Variants in UNK observed in about 807,000 individuals in gnomAD.
UNK encodes the protein RING finger protein unkempt homolog.
UNK carries 32 observed loss-of-function variants against 97.6 expected under a neutral mutation model. The ratio of observed to expected loss-of-function variants is 0.33; its 90% CI spans 0.25 to 0.44. The LOEUF is 0.44. Among genes scored for constraint, UNK ranks in the 20% least tolerant of loss-of-function variants. The probability of loss-of-function intolerance (pLI) is 1.00; values close to 1 mark genes in which losing one functional copy is unlikely to be tolerated. For synonymous variants in UNK, 441 were observed against 461.2 expected, an observed-to-expected ratio of 0.96 and a Z score of 0.56; for missense variants, 771 against 1,098.4, an observed-to-expected ratio of 0.70 and a Z score of 4.21.
At chr17:75,805,999 C>T (rs1318628343) in intron 1 of UNK, among the ~76,000 whole-genome samples, 1 of 151,530 alleles carries the variant, frequency 6.6e-6, no homozygotes, top group African/African-American at 2.4e-5. Context: ...GTAATCCTAG[C>T]ACTTTGGGAG....
At chr17:75,793,870 A>G in intron 1 of UNK, 1 of 985,444 alleles carries the variant, frequency 1.0e-6, no homozygotes, top group Non-Finnish European at 1.2e-6. Context: ...TCTGTAAAGA[A>G]GAGGTTGATA....
At chr17:75,810,322 G>A (rs1397857490) in intron 2 of UNK, among the ~76,000 whole-genome samples, 2 of 152,202 alleles carry the variant, frequency 1.3e-5, no homozygotes, top group Non-Finnish European at 2.9e-5. Flanking sequence ...TGGTGCCCAG[G>A]TTTGCTGACC....
Position 75,812,670 on chromosome 17 carries a change from C to T in UNK, c.622+85C>T, listed in dbSNP as rs555358235. On this transcript the variant is annotated intron_variant, in intron 4 of 15. Transcript: ENST00000589666. Reference sequence around the variant, plus strand: ...GGATTTGGCTCACCACCACCTACTGCCTGCTCTAGCCGAGGCCCCGACCTG... The same window carrying T: ...GGATTTGGCTCACCACCACCTACTGTCTGCTCTAGCCGAGGCCCCGACCTG... 2.6e-5 allele frequency: 40 copies of T among 1,524,414 alleles called. No homozygotes were observed. The African/African-American group carries it at 3.0e-4, about 11-fold the overall frequency. 94.4% of individuals were successfully genotyped at this position (1,524,414 alleles called of 1,614,324 possible).
At position 75,823,404 on chromosome 17, in the gene UNK, T is replaced by C; in HGVS notation, c.2159T>C (p.Leu720Pro). The change falls in exon 15 of 16, where the codon CTA (leucine) becomes CCA (proline). Residue 720 changes from leucine to proline, a missense_variant. By Grantham distance (98) the Leu-to-Pro change is moderately conservative (BLOSUM62 -3). Coordinates refer to ENST00000589666, the MANE Select transcript of UNK (RefSeq NM_001080419.3). ...AAGCTCCAGGAGGAGCTGGAGCGGC[T>C]ACACGCGGGGCCTGAGCCCCAGGCC... Reference protein sequence around the residue: ...VKKLQEELERLHAGPEPQALP... With the variant: ...VKKLQEELERPHAGPEPQALP... 1 of 1,606,044 alleles carries C rather than the reference T, an allele frequency of 6.2e-7. No homozygotes were observed. Among genetic ancestry groups the C allele is most frequent in the Non-Finnish European group, 8.5e-7 (1 of 1,176,376 alleles).
At chr17:75,797,628 C>G (rs916633662) in intron 1 of UNK, among the ~76,000 whole-genome samples, 7 of 152,322 alleles carry the variant, frequency 4.6e-5, no homozygotes, top group African/African-American at 1.4e-4. Context: ...GCAGATCTGT[C>G]AGATTGCCCT....
rs912402904 is a variant in UNK at position 75,817,161 on chromosome 17, C to T, written c.1105-165C>T. Reference sequence around the variant, plus strand: ...AGGGACAAAGCCTGAGGTCACTCCCCTTTCCTTCGTGAGCTTCGGGCTCCC... The same window carrying T: ...AGGGACAAAGCCTGAGGTCACTCCCTTTTCCTTCGTGAGCTTCGGGCTCCC... On this transcript the variant is annotated intron_variant, in intron 8 of 15. Transcript: ENST00000589666. This position sits in a 1 kb window ranked among gnomAD's most constrained non-coding sequence, Gnocchi z 5.8. Among the ~76,000 whole-genome samples, 9 of 151,370 alleles carry T rather than the reference C, an allele frequency of 5.9e-5. No individual in the cohort carries two copies. Among genetic ancestry groups the T allele is most frequent in the Non-Finnish European group, 1.3e-4 (9 of 67,728 alleles).
intron 1 of UNK, among the ~76,000 whole-genome samples, chr17:75,788,345 A>G (rs903122030): frequency 2.6e-5 from 4 of 151,952 alleles, no homozygotes; most frequent in Admixed American, 2.0e-4. Flanking sequence ...ATGGCTGGCT[A>G]ATTTTTGTAT....
In UNK at chr17:75,823,422, C is replaced by T. The variant is rs774436562; in HGVS notation, c.2177C>T (p.Pro726Leu). The T allele has an allele frequency of 2.5e-6, 4 of 1,596,916 alleles. No homozygotes were observed. Among genetic ancestry groups the T allele is most frequent in the Non-Finnish European group, 2.6e-6 (3 of 1,170,894 alleles). The change falls in exon 15 of 16, where the codon CCC becomes CTC. Residue 726 changes from proline (P) to leucine (L), a missense_variant. Coordinates refer to ENST00000589666, the MANE Select transcript of UNK (RefSeq NM_001080419.3). ...GAGCGGCTACACGCGGGGCCTGAGC[C>T]CCAGGCCCTGCCCGCCTTCTCCGAC... is the stretch of plus-strand genomic sequence containing the variant. ...ELERLHAGPE[P>L]QALPAFSDLE...
At chr17:75,798,358 C>T (rs866979722) in intron 1 of UNK, among the ~76,000 whole-genome samples, 1 of 152,184 alleles carries the variant, frequency 6.6e-6, no homozygotes, top group East Asian at 1.9e-4. Context: ...CAAGAGCCAC[C>T]ACGCCTGGCC....
chr17:75,823,860 T>A (rs897022947), intron 15 of UNK, among the ~76,000 whole-genome samples: 97 of 152,334 alleles, frequency 6.4e-4, no homozygotes, highest in African/African-American at 1.9e-3. Context: ...ACCCCAGGGC[T>A]ACCCCTGCCT....
intron 1 of UNK, among the ~76,000 whole-genome samples, chr17:75,803,842 G>A (rs1003074032): frequency 2.0e-5 from 3 of 152,156 alleles, no homozygotes; most frequent in African/African-American, 7.2e-5. Flanking sequence ...GAGGAGAATC[G>A]CTCCCAACCA....
intron 3 of UNK, 43 bp from the exon 4 acceptor site, chr17:75,812,412 C>T (rs2061977276): frequency 6.3e-7 from 1 of 1,593,790 alleles, no homozygotes. Flanking sequence ...CTTGCCCCCT[C>T]ATGCCCCCTC....
Position 75,812,475 on chromosome 17 carries a change from C to T in UNK, c.512C>T (p.Ala171Val), listed in dbSNP as rs1249080429. 3.1e-6 allele frequency: 5 copies of T among 1,611,794 alleles called. No individual in the cohort carries two copies. Among genetic ancestry groups the T allele is most frequent in the Admixed American group, 1.7e-5 (1 of 59,898 alleles). ...CCCAGGGAGCTTCAGGCCATGGAGG[C>T]CTTGCAGAATGGCCAGACCACGGTA... Reference protein sequence around the residue: ...YDIRELQAMEALQNGQTTVEG... With the variant: ...YDIRELQAMEVLQNGQTTVEG... The change falls in exon 4 of 16, where the codon GCC (alanine) becomes GTC (valine). Residue 171 changes from alanine to valine, a missense_variant. By Grantham distance (64) the Ala-to-Val change is moderately conservative. Transcript: ENST00000589666.
intron 1 of UNK, among the ~76,000 whole-genome samples, chr17:75,790,513 T>C (rs2061754302): frequency 6.6e-6 from 1 of 151,842 alleles, no homozygotes; most frequent in Non-Finnish European, 1.5e-5. Context: ...GCATCTGTGG[T>C]CCTGGATACT....
At position 75,816,492 on chromosome 17, in the gene UNK, T is replaced by C. The variant is rs778825715; in HGVS notation, c.962-278T>C. On this transcript the variant is annotated intron_variant, in intron 7 of 15. Transcript: ENST00000589666. This position sits in a 1 kb window ranked among gnomAD's most constrained non-coding sequence, Gnocchi z 4.0. ...GTTTTAGCTCTGTCACTTTGGTGGGTTTACCTTACCTCTCTGAGCCTCAGT... is the reference window on the plus strand; with the variant it reads ...GTTTTAGCTCTGTCACTTTGGTGGGCTTACCTTACCTCTCTGAGCCTCAGT... 4.5e-4 allele frequency among the ~76,000 whole-genome samples: 68 copies of C among 152,280 alleles called. No homozygotes were observed. The highest frequency in any genetic ancestry group is 1.4e-3 in the Admixed American group (22 of 15,292).
Position 75,816,641 on chromosome 17 carries a change from A to T in UNK, c.962-129A>T. The T allele has an allele frequency of 1.8e-6, 2 of 1,110,696 alleles. No homozygotes were observed. The highest frequency in any genetic ancestry group is 2.5e-6 in the Non-Finnish European group (2 of 808,594). 68.8% of individuals were successfully genotyped at this position (1,110,696 alleles called of 1,614,324 possible). On this transcript the variant is annotated intron_variant, in intron 7 of 15. Transcript: ENST00000589666. The surrounding 1 kb of genome is among the most constrained non-coding windows in gnomAD (Gnocchi z 4.0). ...GTAAATGCACAGACATGGTGTTACT[A>T]GAGATGTCGTAGGAACCTTCCCTTT...
chr17:75,818,895 A>G lies in UNK; in HGVS notation c.1546+79A>G, dbSNP rs535363796. On this transcript the variant is annotated intron_variant, in intron 11 of 15. Transcript: ENST00000589666. This position sits in a 1 kb window ranked among gnomAD's most constrained non-coding sequence, Gnocchi z 5.1. ...CCCCCAGTCTCTGAAGCGAGTCTCAAATCAGCACACCAGACCCCTTAGACA... is the reference window on the plus strand; with the variant it reads ...CCCCCAGTCTCTGAAGCGAGTCTCAGATCAGCACACCAGACCCCTTAGACA... The G allele has an allele frequency of 7.0e-7, 1 of 1,419,510 alleles. No homozygotes were observed. The highest frequency in any genetic ancestry group is 2.6e-5 in the East Asian group (1 of 37,944). The allele number at this position is 1,419,510 out of a possible 1,614,324, so 87.9% of individuals were successfully genotyped here. A position where few individuals can be genotyped will look rare whatever the true frequency, so the allele number is the denominator to read the frequency against.
chr17:75,820,568 C>T (rs1215698063), intron 13 of UNK, among the ~76,000 whole-genome samples: 1 of 152,150 alleles, frequency 6.6e-6, no homozygotes, highest in African/African-American at 2.4e-5. Context: ...GGTGCCCTTC[C>T]TGCCGGGCAG....
intron 1 of UNK, chr17:75,792,305 T>A (rs568179218): frequency 1.0e-5 from 10 of 985,400 alleles, no homozygotes; most frequent in East Asian, 2.3e-4. Flanking sequence ...TTGTTTTTTT[T>A]AATCCAGCTA....
Sources: gnomAD v4.1 joint callset for allele counts (sites outside exome capture counted in the v4.1 genomes callset) on GRCh38, gnomAD v4.1.1 for gene constraint, Gnocchi (gnomAD v3.1) non-coding constraint, MANE v1.5 for transcripts, NCBI Gene and HGNC (gene_info 2026-07-23, HGNC 2026-07-21) for gene names.